BCORL1: variants seen among roughly 807,000 people sequenced by gnomAD.
BCORL1 encodes BCL6 corepressor like 1.
BCORL1 carries 7 observed loss-of-function variants against 87.6 expected under a neutral mutation model. That is an observed-to-expected ratio of 0.08 (90% CI 0.05 to 0.15). The LOEUF (loss-of-function observed/expected upper bound fraction) is 0.15. Ranked by LOEUF, BCORL1 falls within the 10% of genes least tolerant of loss-of-function variation. The pLI is 1.00. For missense variants in BCORL1, 1,215 were observed against 1,499.7 expected, an observed-to-expected ratio of 0.81 and a Z score of 3.13; for synonymous variants, 591 against 634.4, an observed-to-expected ratio of 0.93 and a Z score of 1.03.
In BCORL1 at chrX:130,015,348, C is replaced by T. The variant is rs769317272; in HGVS notation, c.2576C>T (p.Pro859Leu). 1.7e-6 allele frequency: 2 copies of T among 1,211,853 alleles called. No individual in the cohort carries two copies. The highest frequency in any genetic ancestry group is 1.1e-6 in the Non-Finnish European group (1 of 895,574). The change falls in exon 4 of 14, where the codon CCC becomes CTC. Residue 859 changes from proline (P) to leucine (L), a missense_variant. Physicochemically the swap from Pro to Leu is moderately conservative, Grantham distance 98. Coordinates refer to ENST00000540052, the MANE Select transcript of BCORL1 (RefSeq NM_001379451.1). ...CAGCTGACCCCCAGTCAGGGGGCGC[C>T]CATCAGGCCCACCAGCGTTGTTTCG... ...AGQLTPSQGA[P>L]IRPTSVVSEF... is the part of the protein sequence containing the mutation.
rs1338922474 is a variant in BCORL1, at chrX:130,057,417, G to C, written c.*1281G>C. ...CTGGGTTTGTCGAGTGAGAGAGAGA[G>C]AGGAGCTTGGGTTGCTTCCCTGTCC... On this transcript the variant is annotated 3_prime_UTR_variant, in exon 14 of 14. Transcript: ENST00000540052. The C allele has an allele frequency of 8.9e-6, 1 of 111,915 alleles. No homozygotes were observed. Among genetic ancestry groups the C allele is most frequent in the Non-Finnish European group, 1.9e-5 (1 of 53,136 alleles). 9.2% of individuals were successfully genotyped at this position (111,915 alleles called of 1,213,427 possible).
rs376470884 is a variant in BCORL1, at chrX:130,001,153, C to T, written c.-44-4035C>T. 6.3e-5 allele frequency among the ~76,000 whole-genome samples: 7 copies of T among 110,886 alleles called. No individual in the cohort carries two copies. The East Asian group carries it at 1.1e-3, about 18-fold the overall frequency. On this transcript the variant is annotated intron_variant, in intron 1 of 13. Transcript: ENST00000540052. ...TTGCCCAGGCTGGAGTGCAATGGTG[C>T]GATCTTGGCTCACCTCAACCTCCGC...
rs1415325990 is a variant in BCORL1, at chrX:130,021,039, G to A, written c.3496G>A (p.Ala1166Thr). 4.2e-6 allele frequency: 5 copies of A among 1,188,063 alleles called. No individual in the cohort carries two copies. The highest frequency in any genetic ancestry group is 6.3e-5 in the East Asian group (2 of 31,860). The change falls in exon 5 of 14, where the codon GCT becomes ACT. Residue 1166 changes from alanine (A) to threonine (T), a missense_variant. By Grantham distance (58) the Ala-to-Thr change is moderately conservative. Around this residue, in one of 5 missense-constraint regions of BCORL1, gnomAD observed 861 missense variants for 1,010.0 expected, o/e 0.85. Transcript: ENST00000540052. ...ATCCACCAAGAAAAGCCCCAGGGGG[G>A]CTTCAGATTCAGGAAAAGAGCACAA... Reference protein sequence around the residue: ...QESTKKSPRGASDSGKEHNGV... With the variant: ...QESTKKSPRGTSDSGKEHNGV...
intron 1 of BCORL1, among the ~76,000 whole-genome samples, chrX:130,003,610 A>G (rs1451170329): frequency 1.8e-5 from 2 of 111,124 alleles, no homozygotes; most frequent in East Asian, 5.6e-4. Flanking sequence ...AACTCAGGTG[A>G]TCCACCTGCC....
rs760588293 is a variant in BCORL1, at chrX:130,015,972, G to A, written c.3200G>A (p.Arg1067Gln). Residue 1067 changes from arginine to glutamine, a missense_variant, in exon 4 of 14, where the codon CGG becomes CAG. Physicochemically the swap from Arg to Gln is conservative, Grantham distance 43. Coordinates refer to ENST00000540052, the MANE Select transcript of BCORL1 (RefSeq NM_001379451.1). ...GTCTTCAATTTAGCCACCTGCTTCCGGGCTGATGGCCTCCCAGTGGCTCCC... is the reference window on the plus strand; with the variant it reads ...GTCTTCAATTTAGCCACCTGCTTCCAGGCTGATGGCCTCCCAGTGGCTCCC... ...DVVFNLATCF[R>Q]ADGLPVAPQR... 4.2e-5 allele frequency: 51 copies of A among 1,210,078 alleles called. No individual in the cohort carries two copies. The highest frequency in any genetic ancestry group is 5.5e-5 in the Non-Finnish European group (49 of 895,326).
At chrX:130,010,967 G>GCACTC (rs1928891456) in intron 2 of BCORL1, among the ~76,000 whole-genome samples, 1 of 81,035 alleles carries the variant, frequency 1.2e-5, no homozygotes, top group Admixed American at 1.8e-4. Context: ...TCGTGCCACT[G>GCACTC]CACTCCAGCC....
Position 130,021,077 on chromosome X carries a change from A to C in BCORL1, c.3534A>C (p.Gly1178=). The C allele has an allele frequency of 1.7e-6, 2 of 1,200,589 alleles. No homozygotes were observed. The highest frequency in any genetic ancestry group is 2.2e-6 in the Non-Finnish European group (2 of 891,367). ...GAAAAGAGCACAATGGAGTCAGGGG[A>C]AAGCACAAGCACCGGAAGCCGACAA... ...DSGKEHNGVR[G]KHKHRKPTKP... is the part of the protein sequence containing the mutation. The change falls in exon 5 of 14, where the codon GGA becomes GGC. Residue 1178 remains glycine, a synonymous_variant. Transcript: ENST00000540052.
intron 1 of BCORL1, among the ~76,000 whole-genome samples, chrX:130,002,098 C>T (rs760917101): frequency 9.1e-6 from 1 of 109,351 alleles, no homozygotes; most frequent in Non-Finnish European, 1.9e-5. Context: ...GATGACAAGG[C>T]GGAAATTTCC....
chrX:130,000,593 A>G (rs1396858328), intron 1 of BCORL1, among the ~76,000 whole-genome samples: 2 of 112,476 alleles, frequency 1.8e-5, no homozygotes, highest in Non-Finnish European at 3.7e-5. Flanking sequence ...AACCAGACAG[A>G]TGTTATAGCT....
intron 11 of BCORL1, among the ~76,000 whole-genome samples, chrX:130,045,520 C>T (rs964365913): frequency 9.0e-6 from 1 of 111,282 alleles, no homozygotes; most frequent in Non-Finnish European, 1.9e-5. Flanking sequence ...TGATCGGACC[C>T]TGAGGAGTAG....
intron 11 of BCORL1, among the ~76,000 whole-genome samples, chrX:130,043,319 C>T (rs777030151): frequency 5.4e-5 from 6 of 111,658 alleles, no homozygotes; most frequent in Non-Finnish European, 3.8e-5. Context: ...CATGAGCTAC[C>T]GCTCCTGGCC....
chrX:130,004,338 G>A (rs1928309383), intron 1 of BCORL1, among the ~76,000 whole-genome samples: 1 of 103,629 alleles, frequency 9.6e-6, no homozygotes, highest in Non-Finnish European at 1.9e-5. Context: ...TCTGCCTCTT[G>A]GGTTCAAGCG....
At chrX:130,011,189 C>T (rs889820230) in intron 2 of BCORL1, among the ~76,000 whole-genome samples, 13 of 108,967 alleles carry the variant, frequency 1.2e-4, no homozygotes, top group Admixed American at 7.9e-4. Flanking sequence ...CCTCCTTGGC[C>T]ACTCCCACCC....
intron 11 of BCORL1, among the ~76,000 whole-genome samples, chrX:130,040,499 C>T (rs1931242245): frequency 8.9e-6 from 1 of 112,443 alleles, no homozygotes; most frequent in Admixed American, 9.4e-5. Context: ...GCTGAGCTGA[C>T]TAAACCTTGG....
upstream of BCORL1, chrX:129,981,218 T>C (rs2124272821): frequency 1.8e-5 from 2 of 111,040 alleles, no homozygotes; most frequent in East Asian, 5.7e-4. Context: ...ACCCACCTCT[T>C]AGCATCTGGA....
chrX:130,041,855 C>CT (rs1193783062), intron 11 of BCORL1, among the ~76,000 whole-genome samples: 12 of 111,653 alleles, frequency 1.1e-4, no homozygotes, highest in Non-Finnish European at 1.9e-4. Context: ...TCTCGATCTC[C>CT]TGACCTCGTG....
intron 13 of BCORL1, among the ~76,000 whole-genome samples, chrX:130,055,115 C>A: frequency 9.0e-6 from 1 of 111,153 alleles, no homozygotes; most frequent in Admixed American, 9.6e-5. Flanking sequence ...GGGGAGGCAG[C>A]GTTTCTTCCC....
rs987695036 is a variant in BCORL1 at position 130,057,606 on chromosome X, C to T, written c.*1470C>T. ...TTTTATTGTACAGGTGCTAAAACAA[C>T]AACAACAAAAAAGAAAATGGAAAAA... On this transcript the variant is annotated 3_prime_UTR_variant, in exon 14 of 14. Transcript: ENST00000540052. 1.1e-4 allele frequency: 6 copies of T among 55,496 alleles called. No individual in the cohort carries two copies. Among genetic ancestry groups the T allele is most frequent in the Non-Finnish European group, 1.8e-4 (5 of 27,560 alleles). 4.6% of individuals were successfully genotyped at this position (55,496 alleles called of 1,213,427 possible). A position where few individuals can be genotyped will look rare whatever the true frequency, so the allele number is the denominator to read the frequency against.
At chrX:129,982,223 T>C (rs1287621887), upstream of BCORL1, among the ~76,000 whole-genome samples, 1 of 111,257 alleles carries the variant, frequency 9.0e-6, no homozygotes, top group Non-Finnish European at 1.9e-5. Flanking sequence ...GTGGGGCTCC[T>C]GCAGCCCCGC....
Sources: allele counts gnomAD v4.1 joint callset (sites outside exome capture counted in the v4.1 genomes callset), GRCh38; gene constraint gnomAD v4.1.1; regional missense constraint gnomAD v4.1.1; transcripts MANE v1.5; gene names NCBI Gene and HGNC (gene_info 2026-07-23, HGNC 2026-07-21).